PRIM2: variants seen among roughly 807,000 people sequenced by gnomAD.
The protein encoded by PRIM2 is DNA primase subunit 2, also known as DNA primase large subunit.
A neutral mutation model predicts 67.3 loss-of-function variants in PRIM2; 39 were observed. The ratio of observed to expected loss-of-function variants is 0.58; its 90% CI spans 0.45 to 0.76. The LOEUF (loss-of-function observed/expected upper bound fraction) is 0.76. PRIM2 is among the 30% of genes least tolerant of loss of function. PRIM2 has a pLI of 0.00. For synonymous variants in PRIM2, 143 were observed against 198.7 expected, an observed-to-expected ratio of 0.72 and a Z score of 2.36; for missense variants, 398 against 598.7, an observed-to-expected ratio of 0.66 and a Z score of 3.50.
chr6:57,320,468 G>A lies in PRIM2; in HGVS notation c.166G>A (p.Val56Ile), dbSNP rs202076235. The A allele has an allele frequency of 6.2e-7, 1 of 1,600,344 alleles. No homozygotes were observed. Among genetic ancestry groups the A allele is most frequent in the South Asian group, 1.1e-5 (1 of 88,214 alleles). The part of the protein sequence containing the change: ...AIDRVKLLKS[V>I]ENLGVSYVKG... The stretch of plus-strand genomic sequence containing the variant: ...TTTCTTTTTTTTAGTGTTAAAATCA[G>A]TTGAAAATCTTGGAGTGAGCTATGT... The change falls in exon 3 of 14, where the codon GTT becomes ATT. Residue 56 changes from valine to isoleucine, a missense_variant. Physicochemically the swap from Val to Ile is conservative, Grantham distance 29. Around this residue, in one of 4 missense-constraint regions of PRIM2, gnomAD observed 96 missense variants for 98.3 expected, o/e 0.98. Coordinates refer to ENST00000615550, the MANE Select transcript of PRIM2 (RefSeq NM_000947.5).
At chr6:57,236,354 T>TTAA in the PRIM2 span, among the ~76,000 whole-genome samples, 1 of 147,912 alleles carries the variant, frequency 6.8e-6, no homozygotes, top group East Asian at 1.9e-4. Flanking sequence ...ATTATTATTA[T>TTAA]TTGCCTCTAG....
chr6:57,634,637 C>G (rs1386364006), intron 13 of PRIM2, among the ~76,000 whole-genome samples: 1 of 152,268 alleles, frequency 6.6e-6, no homozygotes, highest in Non-Finnish European at 1.5e-5. Flanking sequence ...ATTATCCAAC[C>G]TCTTTTTATA....
At chr6:57,431,829 C>T (rs1182777851) in intron 7 of PRIM2, among the ~76,000 whole-genome samples, 1 of 152,128 alleles carries the variant, frequency 6.6e-6, no homozygotes, top group Non-Finnish European at 1.5e-5. Flanking sequence ...TCTTCCTTCA[C>T]TAATGAAGAT....
chr6:57,411,373 T>C (rs1475483845), intron 7 of PRIM2, among the ~76,000 whole-genome samples: 3 of 152,112 alleles, frequency 2.0e-5, no homozygotes, highest in Admixed American at 2.0e-4. Flanking sequence ...GGTGGATTGC[T>C]TGAGCCCAGG....
Position 57,325,946 on chromosome 6 carries a change from C to A in PRIM2, c.360C>A (p.Phe120Leu), listed in dbSNP as rs1767836166. Reference sequence around the variant, plus strand: ...TCAGTGAAGAACTTAGACGCTGGTTCATTCAACAAGAAATGGATCTCCTTC... The same window carrying A: ...TCAGTGAAGAACTTAGACGCTGGTTAATTCAACAAGAAATGGATCTCCTTC... The part of the protein sequence containing the change: ...YCQSEELRRW[F>L]IQQEMDLLRF... Residue 120 changes from phenylalanine (F) to leucine (L), a missense_variant, in exon 5 of 14, where the codon TTC becomes TTA. By Grantham distance (22) the Phe-to-Leu change is conservative. Transcript: ENST00000615550. 6.2e-7 allele frequency: 1 copy of A among 1,606,182 alleles called. No individual in the cohort carries two copies. Among genetic ancestry groups the A allele is most frequent in the Non-Finnish European group, 8.5e-7 (1 of 1,176,848 alleles).
chr6:57,640,784 G>A (rs1430895485), intron 13 of PRIM2, among the ~76,000 whole-genome samples: 3 of 152,216 alleles, frequency 2.0e-5, no homozygotes, highest in East Asian at 1.9e-4. Flanking sequence ...AATCAATATC[G>A]TGAAAATGGC....
At chr6:57,602,959 C>A in intron 11 of PRIM2, among the ~76,000 whole-genome samples, 1 of 152,304 alleles carries the variant, frequency 6.6e-6, no homozygotes, top group South Asian at 2.1e-4. Context: ...CTGTCAGTAT[C>A]CCACACCACA....
the PRIM2 span, among the ~76,000 whole-genome samples, chr6:57,287,149 C>T: frequency 1.3e-5 from 2 of 152,164 alleles, no homozygotes; most frequent in East Asian, 1.9e-4. Context: ...AATGCTTTTA[C>T]GGTGTTGGTA....
At chr6:57,283,802 C>A in the PRIM2 span, among the ~76,000 whole-genome samples, 5 of 152,094 alleles carry the variant, frequency 3.3e-5, no homozygotes, top group African/African-American at 1.2e-4. Flanking sequence ...AAGTGCCTGA[C>A]AAACTCGTTT....
chr6:57,416,692 G>A (rs1350168656), intron 7 of PRIM2, among the ~76,000 whole-genome samples: 1 of 152,114 alleles, frequency 6.6e-6, no homozygotes, highest in Non-Finnish European at 1.5e-5. Flanking sequence ...TAGATATTCT[G>A]GATAACTTGC....
chr6:57,302,768 A>G, the PRIM2 span, among the ~76,000 whole-genome samples: 2 of 152,214 alleles, frequency 1.3e-5, no homozygotes, highest in Non-Finnish European at 1.5e-5. Flanking sequence ...CAGTCATAAG[A>G]GTCCATTATT....
At chr6:57,633,746 A>G (rs1777071498) in intron 13 of PRIM2, among the ~76,000 whole-genome samples, 2 of 152,052 alleles carry the variant, frequency 1.3e-5, no homozygotes, top group Non-Finnish European at 2.9e-5. Context: ...CGGGGTTCAC[A>G]ATAGGGTTCA....
At chr6:57,436,858 C>T (rs1013035788) in intron 7 of PRIM2, among the ~76,000 whole-genome samples, 6 of 152,144 alleles carry the variant, frequency 3.9e-5, no homozygotes, top group Admixed American at 3.3e-4. Context: ...GAACAAAGTG[C>T]TTACTACTTA....
intron 7 of PRIM2, among the ~76,000 whole-genome samples, chr6:57,494,176 A>T (rs1773955056): frequency 6.6e-6 from 1 of 152,210 alleles, no homozygotes; most frequent in Non-Finnish European, 1.5e-5. Context: ...GCAGGTACAG[A>T]TAATAGTATG....
intron 7 of PRIM2, among the ~76,000 whole-genome samples, chr6:57,417,068 G>A (rs1771287829): frequency 1.3e-5 from 2 of 151,762 alleles, no homozygotes; most frequent in Admixed American, 1.3e-4. Context: ...CTGGGTTCAA[G>A]CAATTCTCCT....
chr6:57,586,476 A>G (rs1281859957), intron 10 of PRIM2, among the ~76,000 whole-genome samples: 1 of 152,140 alleles, frequency 6.6e-6, no homozygotes, highest in African/African-American at 2.4e-5. Context: ...GGAGAAGTGT[A>G]ATGACAAATA....
the PRIM2 span, among the ~76,000 whole-genome samples, chr6:57,305,299 A>G: frequency 1.3e-5 from 2 of 152,228 alleles, no homozygotes; most frequent in African/African-American, 2.4e-5. Flanking sequence ...ATTACATCAT[A>G]AAGTGTATGC....
At chr6:57,428,750 A>G (rs1264377739) in intron 7 of PRIM2, among the ~76,000 whole-genome samples, 3 of 152,152 alleles carry the variant, frequency 2.0e-5, no homozygotes, top group Non-Finnish European at 4.4e-5. Flanking sequence ...TTTGGAAATG[A>G]TTTTAGACTC....
intron 7 of PRIM2, among the ~76,000 whole-genome samples, chr6:57,457,301 A>G (rs943297685): frequency 6.6e-6 from 1 of 151,834 alleles, no homozygotes; most frequent in African/African-American, 2.4e-5. Context: ...GAGAACCACT[A>G]CTCTCTTCAA....
Sources: gnomAD v4.1 joint callset for allele counts (sites outside exome capture counted in the v4.1 genomes callset) on GRCh38, gnomAD v4.1.1 for gene constraint, gnomAD v4.1.1 regional missense constraint, MANE v1.5 for transcripts, NCBI Gene and HGNC (gene_info 2026-07-23, HGNC 2026-07-21) for gene names.